Variants in NCSTN observed in about 807,000 individuals in gnomAD.
NCSTN encodes the protein anterior pharynx-defective 2.
Under a neutral mutation model 87.0 loss-of-function variants are expected in NCSTN, and 22 were observed. That is an observed-to-expected ratio of 0.25 (90% CI 0.18 to 0.36). NCSTN has a LOEUF of 0.36. Among genes scored for constraint, NCSTN ranks in the 10% least tolerant of loss-of-function variants. The pLI, the probability that NCSTN is intolerant of heterozygous loss-of-function variation, is 1.00. For synonymous variants in NCSTN, 306 were observed against 327.1 expected (o/e 0.94, Z 0.69); for missense variants, 693 against 883.3 (o/e 0.78, Z 2.73).
At chr1:160,353,111 C>T (rs199659075) in intron 9 of NCSTN, 49 bp from the exon 10 acceptor site, 44 of 1,600,650 alleles carry the variant, frequency 2.7e-5, no homozygotes, top group Non-Finnish European at 3.8e-5. Context: ...TAGGCATGGC[C>T]CAGAACAGGA....
chr1:160,353,752 A>G, intron 10 of NCSTN: 2 of 976,924 alleles, frequency 2.0e-6, no homozygotes, highest in Non-Finnish European at 2.4e-6. Context: ...AGAATTGGTT[A>G]TCTGTTTGGC....
chr1:160,348,511 T>C (rs1355113995), intron 2 of NCSTN, among the ~76,000 whole-genome samples: 2 of 152,180 alleles, frequency 1.3e-5, no homozygotes, highest in Non-Finnish European at 2.9e-5. Context: ...TAACCTCATC[T>C]AAAACCGGCC....
intron 5 of NCSTN, 87 bp from the exon 6 acceptor site, chr1:160,351,134 AG>A: frequency 7.2e-7 from 1 of 1,384,848 alleles, no homozygotes; most frequent in Non-Finnish European, 1.0e-6. Context: ...CCATCCCAAA[AG>A]GATGGAACTG....
chr1:160,354,643 G>A (rs1649041711), intron 11 of NCSTN, among the ~76,000 whole-genome samples: 1 of 152,174 alleles, frequency 6.6e-6, no homozygotes, highest in Non-Finnish European at 1.5e-5. Flanking sequence ...TTGGCTAGAA[G>A]ACAGAAAGCA....
At chr1:160,356,780 G>A in intron 15 of NCSTN, 26 bp downstream of exon 15, 1 of 1,613,860 alleles carries the variant, frequency 6.2e-7, no homozygotes, top group Non-Finnish European at 8.5e-7. Context: ...TGTTGGAAGT[G>A]CCCTGGGGCC....
rs1648751968 is a variant in NCSTN at position 160,350,090 on chromosome 1, C to A, written c.437-15C>A. ...CCCAGTAACCAGTCCCCCTATTCCC[C>A]ATCCTTCCCTTCAGGTGTTTACTCC... On this transcript the variant is annotated splice_polypyrimidine_tract_variant and intron_variant, in intron 4 of 16. Coordinates refer to ENST00000294785, the MANE Select transcript of NCSTN (RefSeq NM_015331.3). The A allele has an allele frequency of 6.2e-7, 1 of 1,613,650 alleles. No individual in the cohort carries two copies. The highest frequency in any genetic ancestry group is 1.1e-5 in the South Asian group (1 of 91,066).
At chr1:160,347,182 C>T (rs1648543796) in intron 2 of NCSTN, among the ~76,000 whole-genome samples, 1 of 152,246 alleles carries the variant, frequency 6.6e-6, no homozygotes, top group African/African-American at 2.4e-5. Context: ...GCCACTTCCT[C>T]ATTAAGATCT....
intron 3 of NCSTN, 21 bp from the exon 4 acceptor site, chr1:160,349,528 G>T (rs199936053): frequency 4.2e-5 from 67 of 1,614,034 alleles, no homozygotes; most frequent in Middle Eastern, 3.3e-4. Context: ...GTTCCTTCAT[G>T]GAATTCCTTT....
rs1480277499 is a variant in NCSTN, at chr1:160,358,158, C to G, written c.2017C>G (p.Leu673Val). 4 of 1,614,154 alleles carry G rather than the reference C, an allele frequency of 2.5e-6. No individual in the cohort carries two copies. In the East Asian group the frequency reaches 8.9e-5, roughly 36 times the overall value. The change falls in exon 17 of 17, where the codon CTG becomes GTG. Residue 673 changes from leucine to valine, a missense_variant. By Grantham distance (32) the Leu-to-Val change is conservative (BLOSUM62 1). Transcript: ENST00000294785. ...IASKELELIT[L>V]TVGFGILIFS... Reference sequence around the variant, plus strand: ...CTCCCTCCCCCTGCAGTTGATCACCCTGACAGTGGGCTTCGGCATCCTCAT... The same window carrying G: ...CTCCCTCCCCCTGCAGTTGATCACCGTGACAGTGGGCTTCGGCATCCTCAT...
Position 160,350,262 on chromosome 1 carries a change from G to A in NCSTN, c.582+12G>A. 1 of 1,613,428 alleles carries A rather than the reference G, an allele frequency of 6.2e-7. No homozygotes were observed. The highest frequency in any genetic ancestry group is 1.3e-5 in the African/African-American group (1 of 75,000). ...AAGTCATCAAGCAGGTAATGACACT[G>A]CCAGCTCCTAGCAATTCCAGTTAGA... On this transcript the variant is annotated intron_variant, in intron 5 of 16. Coordinates refer to ENST00000294785, the MANE Select transcript of NCSTN (RefSeq NM_015331.3).
chr1:160,357,265 C>CAGG lies in NCSTN; in HGVS notation c.2007+13_2007+15dup. ...GCAAAGAGCTTGAGGTGAGATGGGGCAGGGGCATAGGTGGCAGGGATCTGT... is the reference window on the plus strand; with the variant it reads ...GCAAAGAGCTTGAGGTGAGATGGGGCAGGAGGGGCATAGGTGGCAGGGATCTGT... On this transcript the variant is annotated intron_variant, in intron 16 of 16. Coordinates refer to ENST00000294785, the MANE Select transcript of NCSTN (RefSeq NM_015331.3). 6.2e-7 allele frequency: 1 copy of CAGG among 1,606,542 alleles called. No homozygotes were observed. Among genetic ancestry groups the CAGG allele is most frequent in the Non-Finnish European group, 8.5e-7 (1 of 1,175,694 alleles).
chr1:160,343,987 G>A (rs191864080), intron 1 of NCSTN: 108 of 248,356 alleles, frequency 4.3e-4, no homozygotes, highest in African/African-American at 3.2e-3. Context: ...AATCAGTAAA[G>A]CAAGAATAAG....
At chr1:160,354,320 C>T in intron 11 of NCSTN, 30 bp downstream of exon 11, 1 of 1,611,046 alleles carries the variant, frequency 6.2e-7, no homozygotes, top group Non-Finnish European at 8.5e-7. Flanking sequence ...GCACCCTCTT[C>T]ATTCTTGAAG....
intron 16 of NCSTN, 119 bp from the exon 17 acceptor site, chr1:160,358,030 G>C (rs17370539): frequency 0.076 from 98,350 of 1,289,578 alleles, 4,280 homozygotes; most frequent in African/African-American, 0.16. Flanking sequence ...TTATTCCATA[G>C]TTGGTGCTTA....
intron 1 of NCSTN, 151 bp from the exon 2 acceptor site, chr1:160,344,571 T>A: frequency 6.4e-7 from 1 of 1,551,672 alleles, no homozygotes; most frequent in African/African-American, 1.4e-5. Flanking sequence ...GATAAGTGTG[T>A]GCCCAAGAAA....
intron 1 of NCSTN, chr1:160,344,450 C>T: frequency 6.7e-7 from 1 of 1,485,708 alleles, no homozygotes; most frequent in Non-Finnish European, 8.9e-7. Flanking sequence ...AACACCTTTC[C>T]TTTGACCAAG....
intron 8 of NCSTN, among the ~76,000 whole-genome samples, 197 bp from the exon 9 acceptor site, chr1:160,352,690 G>A (rs1015594934): frequency 1.3e-5 from 2 of 152,182 alleles, no homozygotes; most frequent in Non-Finnish European, 2.9e-5. Flanking sequence ...CAGAAGTCTT[G>A]TAATACATAT....
intron 2 of NCSTN, chr1:160,345,226 C>T (rs1412239535): frequency 2.3e-5 from 7 of 303,828 alleles, no homozygotes; most frequent in African/African-American, 1.1e-4. Context: ...GAGTTTCACT[C>T]TTGTCCCCCA....
Position 160,349,577 on chromosome 1 carries a change from A to C in NCSTN, c.343A>C (p.Thr115Pro), listed in dbSNP as rs1300429401. 1 of 1,614,000 alleles carries C rather than the reference A, an allele frequency of 6.2e-7. No individual in the cohort carries two copies. Among genetic ancestry groups the C allele is most frequent in the Admixed American group, 1.7e-5 (1 of 59,994 alleles). The change falls in exon 4 of 17, where the codon ACC becomes CCC. Residue 115 changes from threonine to proline, a missense_variant. By Grantham distance (38) the Thr-to-Pro change is conservative (BLOSUM62 -1). This residue lies in a region of NCSTN where 235 missense variants were observed against 233.9 expected (regional missense o/e 1.00). Transcript: ENST00000294785. ...TTTAATGGAGAAGCTGAAAGGGAGA[A>C]CCAGCCGAATTGCTGGTCTTGCAGT... Reference protein sequence around the residue: ...RDLMEKLKGRTSRIAGLAVSL... With the variant: ...RDLMEKLKGRPSRIAGLAVSL...
Sources: gnomAD v4.1 joint callset for allele counts (sites outside exome capture counted in the v4.1 genomes callset) on GRCh38, gnomAD v4.1.1 for gene constraint, gnomAD v4.1.1 regional missense constraint, MANE v1.5 for transcripts, NCBI Gene and HGNC (gene_info 2026-07-23, HGNC 2026-07-21) for gene names.